The following DOCK10 variants were observed in gnomAD, a reference collection of about 807,000 sequenced individuals.
DOCK10 encodes the protein dedicator of cytokinesis 10.
A neutral mutation model predicts 280.1 loss-of-function variants in DOCK10; 145 were observed. That is an observed-to-expected ratio of 0.52 (90% CI 0.45 to 0.59). The LOEUF is 0.59. DOCK10 is among the 20% of genes least tolerant of loss of function. The pLI is 0.00. For synonymous variants in DOCK10, 915 were observed against 942.2 expected (o/e 0.97, Z 0.53); for missense variants, 2,368 against 2,651.7 (o/e 0.89, Z 2.35).
chr2:224,998,634 C>G (rs1201659200), intron 1 of DOCK10, among the ~76,000 whole-genome samples: 1 of 152,132 alleles, frequency 6.6e-6, no homozygotes, highest in East Asian at 1.9e-4. Flanking sequence ...TTCTTCAACC[C>G]TAAGATTTCT....
At chr2:224,983,552 G>A (rs1705856993) in intron 1 of DOCK10, 2 of 250,194 alleles carry the variant, frequency 8.0e-6, no homozygotes, top group African/African-American at 2.2e-5. Context: ...TCGGCGTGAA[G>A]GGTGCTGCAG....
intron 13 of DOCK10, among the ~76,000 whole-genome samples, chr2:224,863,633 T>A (rs1243737368): frequency 6.6e-6 from 1 of 152,136 alleles, no homozygotes; most frequent in African/African-American, 2.4e-5. Flanking sequence ...TTTGTATTTT[T>A]AGTAGAGACG....
chr2:224,913,231 C>T (rs1236379455), intron 3 of DOCK10, among the ~76,000 whole-genome samples: 1 of 152,130 alleles, frequency 6.6e-6, no homozygotes, highest in African/African-American at 2.4e-5. Flanking sequence ...GTATTTCAAA[C>T]ATCATGTGAT....
Position 224,874,335 on chromosome 2 carries a change from T to C in DOCK10, c.1032A>G (p.Thr344=). The C allele has an allele frequency of 1.2e-6, 2 of 1,611,864 alleles. No individual in the cohort carries two copies. Among genetic ancestry groups the C allele is most frequent in the Non-Finnish European group, 1.7e-6 (2 of 1,178,928 alleles). ...TTCGAGTTGTTTTTACAGTATCTTC[T>C]GTTTCTGTGAGGTACTACAGAGAAA... ...HADFAKYLTE[T]EDTVKTTRNM... The change falls in exon 10 of 56, where the codon ACA becomes ACG. Residue 344 remains threonine, a synonymous_variant. Coordinates refer to ENST00000258390, the MANE Select transcript of DOCK10 (RefSeq NM_014689.3).
chr2:225,020,839 T>C (rs1275038143), intron 1 of DOCK10, among the ~76,000 whole-genome samples: 1 of 152,234 alleles, frequency 6.6e-6, no homozygotes, highest in African/African-American at 2.4e-5. Flanking sequence ...CACACACACA[T>C]GCCCTCTCTT....
chr2:224,796,568 C>A, intron 43 of DOCK10, 142 bp from the exon 44 acceptor site: 1 of 588,140 alleles, frequency 1.7e-6, no homozygotes, highest in Non-Finnish European at 3.0e-6. Flanking sequence ...AGCTCCAGAA[C>A]GTATTATTAA....
At chr2:224,961,143 C>A (rs1259562103) in intron 1 of DOCK10, among the ~76,000 whole-genome samples, 6 of 152,210 alleles carry the variant, frequency 3.9e-5, no homozygotes, top group Admixed American at 3.9e-4. Flanking sequence ...AACTCGGAAG[C>A]CTTGAGTAGC....
At chr2:224,979,173 G>A (rs1039147600) in intron 1 of DOCK10, among the ~76,000 whole-genome samples, 1 of 152,110 alleles carries the variant, frequency 6.6e-6, no homozygotes, top group Non-Finnish European at 1.5e-5. Context: ...CCAGTTAGTG[G>A]GGTTATAGTT....
At chr2:225,028,775 G>A (rs1036845091) in intron 1 of DOCK10, among the ~76,000 whole-genome samples, 3 of 152,168 alleles carry the variant, frequency 2.0e-5, no homozygotes, top group Non-Finnish European at 4.4e-5. Context: ...CTGTGCTCAT[G>A]AACTAGAGGA....
chr2:225,034,125 C>G (rs185384749), intron 1 of DOCK10, among the ~76,000 whole-genome samples: 2 of 152,324 alleles, frequency 1.3e-5, no homozygotes, highest in Admixed American at 1.3e-4. Flanking sequence ...AACTAGTACT[C>G]TGAGGGTTTC....
At chr2:224,811,089 A>C (rs56345843) in intron 31 of DOCK10, among the ~76,000 whole-genome samples, 39,411 of 151,638 alleles carry the variant, frequency 0.26, 8,220 homozygotes, top group African/African-American at 0.58. Flanking sequence ...GAACTAGTTT[A>C]CACTCCCACC....
chr2:224,985,941 A>G (rs1705962835), intron 1 of DOCK10, among the ~76,000 whole-genome samples: 1 of 152,186 alleles, frequency 6.6e-6, no homozygotes, highest in Non-Finnish European at 1.5e-5. Context: ...AAAGTGTTGG[A>G]CCTTCCCAGC....
At chr2:224,978,653 C>T (rs959153635) in intron 1 of DOCK10, among the ~76,000 whole-genome samples, 5 of 152,156 alleles carry the variant, frequency 3.3e-5, no homozygotes, top group African/African-American at 1.2e-4. Flanking sequence ...TGGATTTATA[C>T]ACTATAAATA....
intron 1 of DOCK10, among the ~76,000 whole-genome samples, chr2:224,944,634 G>T (rs1044824359): frequency 1.3e-5 from 2 of 152,186 alleles, no homozygotes; most frequent in African/African-American, 4.8e-5. Flanking sequence ...GAGCGGCAGG[G>T]AGAACGACTT....
intron 1 of DOCK10, among the ~76,000 whole-genome samples, chr2:224,946,456 A>G (rs73081864): frequency 0.026 from 3,970 of 152,258 alleles, 160 homozygotes; most frequent in African/African-American, 0.09. Context: ...AGCAATGACA[A>G]TTTTTTAAAA....
At chr2:225,007,890 C>A (rs553429617) in intron 1 of DOCK10, among the ~76,000 whole-genome samples, 1 of 152,028 alleles carries the variant, frequency 6.6e-6, no homozygotes, top group South Asian at 2.1e-4. Context: ...AAAAGAATTA[C>A]GCCTAATTGT....
chr2:224,931,706 A>T (rs373517106), intron 1 of DOCK10, 38 bp from the exon 2 acceptor site: 3 of 1,545,484 alleles, frequency 1.9e-6, no homozygotes, highest in African/African-American at 1.4e-5. Flanking sequence ...TCACTGACAT[A>T]CACCATCTCC....
At chr2:224,897,212 A>G (rs886320942) in intron 3 of DOCK10, among the ~76,000 whole-genome samples, 3 of 152,164 alleles carry the variant, frequency 2.0e-5, no homozygotes, top group Non-Finnish European at 2.9e-5. Flanking sequence ...ATGCCTTCTA[A>G]GGCACAGTCT....
At chr2:224,932,734 C>T (rs1371686053) in intron 1 of DOCK10, among the ~76,000 whole-genome samples, 1 of 152,182 alleles carries the variant, frequency 6.6e-6, no homozygotes, top group East Asian at 1.9e-4. Flanking sequence ...CCCACACTCA[C>T]ACATGCCACC....
Sources: gnomAD v4.1 joint callset for allele counts (sites outside exome capture counted in the v4.1 genomes callset) on GRCh38, gnomAD v4.1.1 for gene constraint, MANE v1.5 for transcripts, NCBI Gene and HGNC (gene_info 2026-07-23, HGNC 2026-07-21) for gene names.